Variants in SMAD2 observed in about 807,000 individuals in gnomAD.
SMAD2 encodes SMAD family member 2.
Under a neutral mutation model 64.4 loss-of-function variants are expected in SMAD2, and 8 were observed. The ratio of observed to expected loss-of-function variants is 0.12; its 90% CI spans 0.07 to 0.22. The LOEUF is 0.22. Among genes scored for constraint, SMAD2 ranks in the 10% least tolerant of loss-of-function variants. The pLI is 1.00. For missense variants in SMAD2, 289 were observed against 561.2 expected (o/e 0.51, Z 4.90); for synonymous variants, 203 against 195.8 (o/e 1.04, Z -0.31).
At chr18:47,919,812 G>A (rs977051352) in intron 1 of SMAD2, among the ~76,000 whole-genome samples, 3 of 152,164 alleles carry the variant, frequency 2.0e-5, no homozygotes, top group Non-Finnish European at 4.4e-5. Context: ...TATCTCAGCA[G>A]ATTTCTGATT....
At chr18:47,924,453 ATTTTCTTTT>A (rs1217250920) in intron 1 of SMAD2, among the ~76,000 whole-genome samples, 4 of 147,602 alleles carry the variant, frequency 2.7e-5, no homozygotes, top group East Asian at 4.0e-4. Context: ...GCCACCCCAC[ATTTTCTTTT>A]TTTTCTTTTT....
At chr18:47,870,096 G>C (rs1200486708) in intron 3 of SMAD2, among the ~76,000 whole-genome samples, 1 of 102,368 alleles carries the variant, frequency 9.8e-6, no homozygotes, top group African/African-American at 3.3e-5. Flanking sequence ...CATTAAGTAT[G>C]TATTTATTAG....
At position 47,838,052 on chromosome 18, in the gene SMAD2, G is replaced by A. The variant is rs914748430; in HGVS notation, c.*3775C>T. ...GGTATATATGGGAAGCTTTTAAGAGGTAGAGAAACCAACTGGGTATATATT... is the reference window on the plus strand; with the variant it reads ...GGTATATATGGGAAGCTTTTAAGAGATAGAGAAACCAACTGGGTATATATT... On this transcript the variant is annotated 3_prime_UTR_variant, in exon 11 of 11. Coordinates refer to ENST00000262160, the MANE Select transcript of SMAD2 (RefSeq NM_005901.6). 1.7e-5 allele frequency: 4 copies of A among 232,994 alleles called. No individual in the cohort carries two copies. Among genetic ancestry groups the A allele is most frequent in the Admixed American group, 1.7e-4 (3 of 17,770 alleles). 14.4% of individuals were successfully genotyped at this position (232,994 alleles called of 1,614,324 possible). A position where few individuals can be genotyped will look rare whatever the true frequency, so the allele number is the denominator to read the frequency against.
In SMAD2 at chr18:47,814,004, T is replaced by C. The variant is rs1040925437; in HGVS notation, c.*27823A>G. 1 of 152,044 alleles carries C rather than the reference T, an allele frequency of 6.6e-6. No individual in the cohort carries two copies. Among genetic ancestry groups the C allele is most frequent in the African/African-American group, 2.4e-5 (1 of 41,394 alleles). The allele number at this position is 152,044 out of a possible 1,614,324, so 9.4% of individuals were successfully genotyped here. On this transcript the variant is annotated 3_prime_UTR_variant, in exon 11 of 11. Transcript: ENST00000262160. ...AAAGAAAAGTCTGTGGTGGAGGTGA[T>C]AACCTGAACTTGGCTTTGAGGAATA...
Position 47,845,450 on chromosome 18 carries a change from A to G in SMAD2, c.1170T>C (p.Phe390=). 1 of 1,613,820 alleles carries G rather than the reference A, an allele frequency of 6.2e-7. No homozygotes were observed. Among genetic ancestry groups the G allele is most frequent in the South Asian group, 1.1e-5 (1 of 91,078 alleles). ...CNLKIFNNQE[F]AALLAQSVNQ... is the part of the protein sequence containing the mutation. The stretch of plus-strand genomic sequence containing the variant: ...TAACAGACTGAGCCAGAAGAGCAGC[A>G]AATTCCTGGTTGTTGAAGATCTTCA... The change falls in exon 10 of 11, where the codon TTT becomes TTC. Residue 390 remains phenylalanine (F), a synonymous_variant. Coordinates refer to ENST00000262160, the MANE Select transcript of SMAD2 (RefSeq NM_005901.6).
At chr18:47,898,887 A>T (rs1598859581) in intron 1 of SMAD2, among the ~76,000 whole-genome samples, 1 of 148,930 alleles carries the variant, frequency 6.7e-6, no homozygotes, top group East Asian at 2.0e-4. Flanking sequence ...GCATTCAACA[A>T]TTTTTTTTTT....
Position 47,853,499 on chromosome 18 carries a change from G to T in SMAD2, c.731-2172C>A, listed in dbSNP as rs533646215. 35 of 201,924 alleles carry T rather than the reference G, an allele frequency of 1.7e-4. 1 individual carries two copies. In the South Asian group the frequency reaches 5.4e-3, roughly 31 times the overall value. The allele number at this position is 201,924 out of a possible 1,614,324, so 12.5% of individuals were successfully genotyped here. A position where few individuals can be genotyped will look rare whatever the true frequency, so the allele number is the denominator to read the frequency against. On this transcript the variant is annotated intron_variant, in intron 6 of 10. Transcript: ENST00000262160. ...AGGGCATCCCACTGCACTCCAGCCT[G>T]GGCGACAGAGCAAGACTCTGTCTCG...
intron 1 of SMAD2, among the ~76,000 whole-genome samples, chr18:47,925,279 A>AT (rs2034718803): frequency 6.6e-6 from 1 of 152,236 alleles, no homozygotes; most frequent in African/African-American, 2.4e-5. Context: ...ACAAACTTTG[A>AT]TAAGAATTAA....
Position 47,819,278 on chromosome 18 carries a change from C to T in SMAD2, c.*22549G>A, listed in dbSNP as rs1172590875. ...CTTTTTAAGGTCATAAAACTATAAA[C>T]TCAACTTAAAAACAGAATGATCTTT... On this transcript the variant is annotated 3_prime_UTR_variant, in exon 11 of 11. Transcript: ENST00000262160. 6.6e-6 allele frequency: 1 copy of T among 152,276 alleles called. No homozygotes were observed. The highest frequency in any genetic ancestry group is 1.9e-4 in the East Asian group (1 of 5,188). 9.4% of individuals were successfully genotyped at this position (152,276 alleles called of 1,614,324 possible).
Position 47,837,277 on chromosome 18 carries a change from G to C in SMAD2, c.*4550C>G, listed in dbSNP as rs1913498841. 1.0e-5 allele frequency: 2 copies of C among 194,330 alleles called. No individual in the cohort carries two copies. The highest frequency in any genetic ancestry group is 2.3e-5 in the African/African-American group (1 of 43,082). 12.0% of individuals were successfully genotyped at this position (194,330 alleles called of 1,614,324 possible). ...TCTGATATATGCAGATAAAAATATG[G>C]CTAGGCTGGGCGCGGTGGCTCATGC... On this transcript the variant is annotated 3_prime_UTR_variant, in exon 11 of 11. Transcript: ENST00000262160.
At chr18:47,848,946 G>C (rs768920040) in intron 7 of SMAD2, among the ~76,000 whole-genome samples, 2 of 151,982 alleles carry the variant, frequency 1.3e-5, no homozygotes, top group Non-Finnish European at 2.9e-5. Flanking sequence ...CTTTATGTTG[G>C]ATTCTTTGTT....
In SMAD2 at chr18:47,818,079, C is replaced by G. The variant is rs548116324; in HGVS notation, c.*23748G>C. 1 of 152,304 alleles carries G rather than the reference C, an allele frequency of 6.6e-6. No homozygotes were observed. Among genetic ancestry groups the G allele is most frequent in the South Asian group, 2.1e-4 (1 of 4,816 alleles). The allele number at this position is 152,304 out of a possible 1,614,324, so 9.4% of individuals were successfully genotyped here. A position where few individuals can be genotyped will look rare whatever the true frequency, so the allele number is the denominator to read the frequency against. ...CTATGCTTTGTCTAAACTCCCCAAGCTTTTTTATTCTTAGTACCAAGAGAC... is the reference window on the plus strand; with the variant it reads ...CTATGCTTTGTCTAAACTCCCCAAGGTTTTTTATTCTTAGTACCAAGAGAC... On this transcript the variant is annotated 3_prime_UTR_variant, in exon 11 of 11. Coordinates refer to ENST00000262160, the MANE Select transcript of SMAD2 (RefSeq NM_005901.6).
At position 47,868,368 on chromosome 18, in the gene SMAD2, T is replaced by C. The variant is rs745402632; in HGVS notation, c.610A>G (p.Thr204Ala). ...GGCTCAATTCCTGCTGGGAAGTTAG[T>C]GTTTTCTGGAATGGAGTGAGTATAG... ...DDYTHSIPENTNFPAGIEPQS... is the reference protein window; with the variant it reads ...DDYTHSIPENANFPAGIEPQS... Residue 204 changes from threonine to alanine, a missense_variant, in exon 5 of 11, where the codon ACT becomes GCT. By Grantham distance (58) the Thr-to-Ala change is moderately conservative. This residue lies in a region of SMAD2 where 119 missense variants were observed against 156.7 expected (regional missense o/e 0.76). Transcript: ENST00000262160. 1 of 1,612,908 alleles carries C rather than the reference T, an allele frequency of 6.2e-7. No homozygotes were observed. Among genetic ancestry groups the C allele is most frequent in the Non-Finnish European group, 8.5e-7 (1 of 1,179,076 alleles).
intron 1 of SMAD2, among the ~76,000 whole-genome samples, chr18:47,927,095 T>A (rs2034796320): frequency 6.6e-6 from 1 of 152,232 alleles, no homozygotes; most frequent in South Asian, 2.1e-4. Context: ...CCCGATCCTT[T>A]CACTGAGTTA....
chr18:47,868,470 A>G lies in SMAD2; in HGVS notation c.521-13T>C, dbSNP rs895608676. ...ACTGGAGGCAAAACTGAAAAAGTTCAAGAAATCCAAGTTAATGGCAAAGAG... is the reference window on the plus strand; with the variant it reads ...ACTGGAGGCAAAACTGAAAAAGTTCGAGAAATCCAAGTTAATGGCAAAGAG... On this transcript the variant is annotated splice_polypyrimidine_tract_variant and intron_variant, in intron 4 of 10. Coordinates refer to ENST00000262160, the MANE Select transcript of SMAD2 (RefSeq NM_005901.6). 2 of 1,609,622 alleles carry G rather than the reference A, an allele frequency of 1.2e-6. No individual in the cohort carries two copies. Among genetic ancestry groups the G allele is most frequent in the Admixed American group, 1.7e-5 (1 of 59,940 alleles).
intron 2 of SMAD2, among the ~76,000 whole-genome samples, chr18:47,885,746 G>A (rs553551246): frequency 2.0e-5 from 3 of 152,252 alleles, no homozygotes; most frequent in East Asian, 1.9e-4. Flanking sequence ...CAGATCGCTT[G>A]AGCCCAGGAG....
intron 1 of SMAD2, among the ~76,000 whole-genome samples, chr18:47,918,203 G>A (rs943795146): frequency 1.3e-5 from 2 of 152,118 alleles, no homozygotes; most frequent in Admixed American, 1.3e-4. Flanking sequence ...TTCTGCAAAG[G>A]GGAAAACAAA....
intron 7 of SMAD2, among the ~76,000 whole-genome samples, chr18:47,850,658 TTATATAC>T (rs1176137432): frequency 6.8e-5 from 2 of 29,306 alleles, no homozygotes; most frequent in Non-Finnish European, 1.1e-4. Context: ...ATAATATATA[TTATATAC>T]TATATATATA....
At chr18:47,896,387 T>C (rs1404788496) in intron 2 of SMAD2, 134 bp downstream of exon 2, 1 of 907,546 alleles carries the variant, frequency 1.1e-6, no homozygotes, top group Non-Finnish European at 1.7e-6. Flanking sequence ...GCAAAAACAA[T>C]TTATACAAGG....
Sources: gnomAD v4.1 joint callset for allele counts (sites outside exome capture counted in the v4.1 genomes callset) on GRCh38, gnomAD v4.1.1 for gene constraint, gnomAD v4.1.1 regional missense constraint, MANE v1.5 for transcripts, NCBI Gene and HGNC (gene_info 2026-07-23, HGNC 2026-07-21) for gene names.